Variants in RBM39 observed in about 807,000 individuals in gnomAD.
RBM39 encodes RNA-binding protein 39.
Under a neutral mutation model 79.6 loss-of-function variants are expected in RBM39, and 12 were observed. The ratio of observed to expected loss-of-function variants is 0.15; its 90% CI spans 0.10 to 0.24. The LOEUF is 0.24. Among genes scored for constraint, RBM39 ranks in the 10% least tolerant of loss-of-function variants. The pLI is 1.00. For missense variants in RBM39, 243 were observed against 653.4 expected, an observed-to-expected ratio of 0.37 and a Z score of 6.85; for synonymous variants, 185 against 208.4, an observed-to-expected ratio of 0.89 and a Z score of 0.97.
chr20:35,707,042 A>AG (rs1399739576), intron 14 of RBM39, 78 bp downstream of exon 14: 10 of 667,160 alleles, frequency 1.5e-5, no homozygotes, highest in Non-Finnish European at 2.2e-5. Flanking sequence ...AAAAAAAAAA[A>AG]AAAAAAAAAG....
intron 3 of RBM39, 72 bp downstream of exon 3, chr20:35,738,896 A>G: frequency 7.5e-7 from 1 of 1,330,832 alleles, no homozygotes; most frequent in Non-Finnish European, 1.1e-6. Context: ...CTTTAGCCAC[A>G]GGAACACAAC....
intron 15 of RBM39, chr20:35,704,995 A>G (rs916168132): frequency 5.1e-6 from 3 of 586,932 alleles, no homozygotes; most frequent in Admixed American, 3.4e-5. Flanking sequence ...CCAAGATTTC[A>G]TGGCAAGCTT....
chr20:35,712,825 T>C (rs1380322996), intron 12 of RBM39, among the ~76,000 whole-genome samples, 194 bp downstream of exon 12: 1 of 152,136 alleles, frequency 6.6e-6, no homozygotes, highest in African/African-American at 2.4e-5. Flanking sequence ...TTTAAAACTG[T>C]CCTGACAACT....
intron 14 of RBM39, 199 bp from the exon 15 acceptor site, chr20:35,705,529 G>A: frequency 2.4e-6 from 1 of 413,948 alleles, no homozygotes; most frequent in Non-Finnish European, 4.3e-6. Context: ...CGGGCGCGGT[G>A]ACTCATGCCT....
At chr20:35,729,100 TAA>T (rs1400991012) in intron 6 of RBM39, among the ~76,000 whole-genome samples, 35 of 152,010 alleles carry the variant, frequency 2.3e-4, no homozygotes, top group Middle Eastern at 3.4e-3. Flanking sequence ...AATAAATAAA[TAA>T]ATATATAACT....
At chr20:35,736,468 CATTAT>C (rs1270264352) in intron 3 of RBM39, 2 of 391,354 alleles carry the variant, frequency 5.1e-6, no homozygotes, top group African/African-American at 4.3e-5. Context: ...CCCTGAATAA[CATTAT>C]ATATTTTCTC....
Position 35,709,084 on chromosome 20 carries a change from A to C in RBM39, c.1225+140T>G, listed in dbSNP as rs1487777287. 8 of 638,844 alleles carry C rather than the reference A, an allele frequency of 1.3e-5. No homozygotes were observed. The East Asian group carries it at 2.2e-4, about 18-fold the overall frequency. 39.6% of individuals were successfully genotyped at this position (638,844 alleles called of 1,614,324 possible). Reference sequence around the variant, plus strand: ...CTGAAATACAGACAGATTACTATGAATATACCACTATGTGTCACTGTGTCA... The same window carrying C: ...CTGAAATACAGACAGATTACTATGACTATACCACTATGTGTCACTGTGTCA... On this transcript the variant is annotated intron_variant, in intron 13 of 16. Transcript: ENST00000253363.
chr20:35,724,082 A>G (rs1310444217), intron 8 of RBM39, among the ~76,000 whole-genome samples: 1 of 152,056 alleles, frequency 6.6e-6, no homozygotes, highest in Non-Finnish European at 1.5e-5. Flanking sequence ...CTGTAATCTC[A>G]GCACTTTGGA....
At chr20:35,717,499 C>T (rs1267959163) in intron 9 of RBM39, among the ~76,000 whole-genome samples, 1 of 152,022 alleles carries the variant, frequency 6.6e-6, no homozygotes, top group African/African-American at 2.4e-5. Context: ...GCTAAAAACA[C>T]CAAGCAGTAA....
intron 9 of RBM39, among the ~76,000 whole-genome samples, chr20:35,718,813 CAA>C (rs555136304): frequency 4.3e-3 from 162 of 37,848 alleles, no homozygotes; most frequent in African/African-American, 0.015. Context: ...TACTCCATCT[CAA>C]AAAAAAAAAA....
At chr20:35,712,824 G>C (rs2036609928) in intron 12 of RBM39, among the ~76,000 whole-genome samples, 195 bp downstream of exon 12, 1 of 152,122 alleles carries the variant, frequency 6.6e-6, no homozygotes, top group Non-Finnish European at 1.5e-5. Flanking sequence ...GTTTAAAACT[G>C]TCCTGACAAC....
At chr20:35,740,922 A>G in intron 1 of RBM39, 35 bp from the exon 2 acceptor site, 1 of 1,493,892 alleles carries the variant, frequency 6.7e-7, no homozygotes, top group Non-Finnish European at 9.3e-7. Context: ...TTGAGTAAAC[A>G]TTTCTCTTAC....
Position 35,735,513 on chromosome 20 carries a change from C to T in RBM39, c.102-3378G>A, listed in dbSNP as rs180687870. ...TTCTACTACCTAACAAACTATAGCT[C>T]AATGTGGCTTTTAAGACAATGAAGT... On this transcript the variant is annotated intron_variant, in intron 3 of 16. Coordinates refer to ENST00000253363, the MANE Select transcript of RBM39 (RefSeq NM_184234.3). Among the ~76,000 whole-genome samples, 14 of 152,288 alleles carry T rather than the reference C, an allele frequency of 9.2e-5. No homozygotes were observed. In the East Asian group the frequency reaches 2.7e-3, roughly 29 times the overall value.
intron 8 of RBM39, 98 bp from the exon 9 acceptor site, chr20:35,721,975 A>T: frequency 7.3e-7 from 1 of 1,363,028 alleles, no homozygotes; most frequent in Non-Finnish European, 1.0e-6. Flanking sequence ...GTTTAGAGTG[A>T]TAAAAATACT....
rs2036657436 is a variant in RBM39 at position 35,713,205 on chromosome 20, C to T, written c.1097-109G>A. 1.1e-5 allele frequency: 10 copies of T among 904,440 alleles called. No individual in the cohort carries two copies. The South Asian group carries it at 1.2e-4, about 11-fold the overall frequency. 56.0% of individuals were successfully genotyped at this position (904,440 alleles called of 1,614,324 possible). A position where few individuals can be genotyped will look rare whatever the true frequency, so the allele number is the denominator to read the frequency against. ...CACTAAAATAAATTGCAAGGAGGGC[C>T]GAGTGTGGTGGTTGACGCCTGTAAC... On this transcript the variant is annotated intron_variant, in intron 11 of 16. Coordinates refer to ENST00000253363, the MANE Select transcript of RBM39 (RefSeq NM_184234.3).
intron 3 of RBM39, 66 bp from the exon 4 acceptor site, chr20:35,732,201 A>G: frequency 1.5e-6 from 2 of 1,362,776 alleles, no homozygotes; most frequent in Non-Finnish European, 2.1e-6. Context: ...ACTACCTTTT[A>G]TGGCCAGAAT....
intron 9 of RBM39, among the ~76,000 whole-genome samples, chr20:35,717,116 C>A (rs1401862877): frequency 2.0e-5 from 3 of 151,926 alleles, no homozygotes; most frequent in African/African-American, 4.8e-5. Context: ...CAGGTCTCCA[C>A]CAAAAATACA....
chr20:35,732,283 A>C, intron 3 of RBM39, 148 bp from the exon 4 acceptor site: 2 of 599,470 alleles, frequency 3.3e-6, no homozygotes, highest in Middle Eastern at 4.4e-4. Context: ...TCATACTTAA[A>C]AAAAAAAAAA....
In RBM39 at chr20:35,704,128, C is replaced by CA. The variant is rs955715965; in HGVS notation, c.*352dup. 4.7e-5 allele frequency: 8 copies of CA among 168,446 alleles called. No homozygotes were observed. Among genetic ancestry groups the CA allele is most frequent in the African/African-American group, 1.7e-4 (7 of 41,588 alleles). The allele number at this position is 168,446 out of a possible 1,614,324, so 10.4% of individuals were successfully genotyped here. A position where few individuals can be genotyped will look rare whatever the true frequency, so the allele number is the denominator to read the frequency against. On this transcript the variant is annotated 3_prime_UTR_variant, in exon 17 of 17. Transcript: ENST00000253363. ...ACATTAGTGAAATGTGAAATGTAAC[C>CA]ACTGTGTAAAAAGTTAGGCTTCTGA...
Sources: allele counts gnomAD v4.1 joint callset (sites outside exome capture counted in the v4.1 genomes callset), GRCh38; gene constraint gnomAD v4.1.1; transcripts MANE v1.5; gene names NCBI Gene and HGNC (gene_info 2026-07-23, HGNC 2026-07-21).